HTRA1: variants seen among roughly 807,000 people sequenced by gnomAD.
HTRA1 encodes HtrA serine peptidase 1.
In HTRA1, 26 loss-of-function variants were observed where a neutral mutation model predicts 49.7. That is an observed-to-expected ratio of 0.52 (90% CI 0.38 to 0.73). The LOEUF is 0.73. HTRA1 is among the 30% of genes least tolerant of loss of function. The probability of loss-of-function intolerance (pLI) is 0.00; values close to 1 mark genes in which losing one functional copy is unlikely to be tolerated. For missense variants in HTRA1, 561 were observed against 667.2 expected, an observed-to-expected ratio of 0.84 and a Z score of 1.75; for synonymous variants, 291 against 286.9, an observed-to-expected ratio of 1.01 and a Z score of -0.14.
intron 1 of HTRA1, among the ~76,000 whole-genome samples, chr10:122,476,835 G>A (rs1459558475): frequency 1.3e-5 from 2 of 152,142 alleles, no homozygotes; most frequent in Non-Finnish European, 1.5e-5. Flanking sequence ...AGCTGTGAGT[G>A]GAACCAAGTG....
chr10:122,496,226 TTC>T (rs1316478976), intron 3 of HTRA1, among the ~76,000 whole-genome samples: 1,015 of 36,372 alleles, frequency 0.028, 306 homozygotes, highest in South Asian at 0.038. Context: ...AGATTGTGGG[TTC>T]TTTTTTTTTT....
chr10:122,470,591 T>C (rs2097485704), intron 1 of HTRA1, among the ~76,000 whole-genome samples: 1 of 151,454 alleles, frequency 6.6e-6, no homozygotes, highest in Admixed American at 6.6e-5. Flanking sequence ...TGAAGTCCAG[T>C]GATATAAGGA....
In HTRA1 at chr10:122,506,854, T is replaced by C. The variant is rs763868414; in HGVS notation, c.941T>C (p.Met314Thr). The C allele has an allele frequency of 5.6e-6, 9 of 1,613,644 alleles. No individual in the cohort carries two copies. Among genetic ancestry groups the C allele is most frequent in the African/African-American group, 4.0e-5 (3 of 74,898 alleles). ...GAGCTGGGGCTCCGCAACTCAGACA[T>C]GGACTACATCCAGACCGACGCCATC... ...GKELGLRNSD[M>T]DYIQTDAIIN... is the part of the protein sequence containing the mutation. Residue 314 changes from methionine (M) to threonine (T), a missense_variant, in exon 4 of 9, where the codon ATG becomes ACG. Transcript: ENST00000368984. This position sits in a 1 kb window ranked among gnomAD's most constrained non-coding sequence, Gnocchi z 5.2.
chr10:122,481,417 G>T (rs991730877), intron 1 of HTRA1, among the ~76,000 whole-genome samples: 1 of 152,178 alleles, frequency 6.6e-6, no homozygotes, highest in Non-Finnish European at 1.5e-5. Context: ...GCAAGAGACC[G>T]TGGCCCCAAC....
At chr10:122,507,321 A>T in intron 4 of HTRA1, 49 bp from the exon 5 acceptor site, 1 of 1,525,876 alleles carries the variant, frequency 6.6e-7, no homozygotes, top group African/African-American at 1.4e-5. Flanking sequence ...CATAGATTGA[A>T]CCATGTTATG....
chr10:122,482,047 C>A (rs1470951891), intron 1 of HTRA1, among the ~76,000 whole-genome samples: 1 of 151,898 alleles, frequency 6.6e-6, no homozygotes, highest in African/African-American at 2.4e-5. Flanking sequence ...TTTCATGGTC[C>A]CCAGTAAGGC....
At chr10:122,499,692 G>A (rs2097500144) in intron 3 of HTRA1, among the ~76,000 whole-genome samples, 1 of 152,234 alleles carries the variant, frequency 6.6e-6, no homozygotes, top group Non-Finnish European at 1.5e-5. Context: ...TTTTCCTTAG[G>A]AGACATGCAA....
chr10:122,513,664 A>C (rs1235799251), intron 8 of HTRA1, among the ~76,000 whole-genome samples: 2 of 148,502 alleles, frequency 1.3e-5, no homozygotes, highest in African/African-American at 4.9e-5. Flanking sequence ...GAGTGGGGAA[A>C]AAAGAACATT....
chr10:122,491,618 T>C (rs1363916079), intron 3 of HTRA1, among the ~76,000 whole-genome samples: 1 of 152,358 alleles, frequency 6.6e-6, no homozygotes, highest in Admixed American at 6.5e-5. Context: ...TTTTCCAATT[T>C]TGAGCCAAGG....
rs201461807 is a variant in HTRA1, at chr10:122,508,659, G to A, written c.1009G>A (p.Gly337Ser). ...CCGTGTCCTTCTTGCTTTTCAGGAC[G>A]GTGAAGTGATTGGAATTAACACTTT... ...NSGGPLVNLD[G>S]EVIGINTLKV... The change falls in exon 6 of 9, where the codon GGT (glycine) becomes AGT (serine). Residue 337 changes from glycine to serine, a missense_variant. Physicochemically the swap from Gly to Ser is moderately conservative, Grantham distance 56 (BLOSUM62 0). This residue lies in a region of HTRA1 where 271 missense variants were observed against 410.0 expected (regional missense o/e 0.66). Coordinates refer to ENST00000368984, the MANE Select transcript of HTRA1 (RefSeq NM_002775.5). 22 of 1,599,966 alleles carry A rather than the reference G, an allele frequency of 1.4e-5. No individual in the cohort carries two copies. Among genetic ancestry groups the A allele is most frequent in the Admixed American group, 6.7e-5 (4 of 60,004 alleles).
At chr10:122,510,008 C>A in intron 6 of HTRA1, 88 bp from the exon 7 acceptor site, 2 of 1,124,662 alleles carry the variant, frequency 1.8e-6, no homozygotes, top group Non-Finnish European at 2.7e-6. Flanking sequence ...CTTCCTGCAA[C>A]CTGGGGGATT....
At position 122,461,621 on chromosome 10, in the gene HTRA1, C is replaced by A; in HGVS notation, c.-32C>A. 1 of 1,263,608 alleles carries A rather than the reference C, an allele frequency of 7.9e-7. No individual in the cohort carries two copies. The highest frequency in any genetic ancestry group is 1.0e-6 in the Non-Finnish European group (1 of 975,674). The allele number at this position is 1,263,608 out of a possible 1,614,324, so 78.3% of individuals were successfully genotyped here. A position where few individuals can be genotyped will look rare whatever the true frequency, so the allele number is the denominator to read the frequency against. Reference sequence around the variant, plus strand: ...CGCCGCTCTCCGGCCCTCGCCCTGTCCGCCGCCACCGCCGCCGCCGCCAGA... The same window carrying A: ...CGCCGCTCTCCGGCCCTCGCCCTGTACGCCGCCACCGCCGCCGCCGCCAGA... On this transcript the variant is annotated 5_prime_UTR_variant, in exon 1 of 9. Coordinates refer to ENST00000368984, the MANE Select transcript of HTRA1 (RefSeq NM_002775.5).
intron 1 of HTRA1, among the ~76,000 whole-genome samples, chr10:122,482,126 C>A (rs1228433837): frequency 6.6e-6 from 1 of 152,064 alleles, no homozygotes; most frequent in Non-Finnish European, 1.5e-5. Flanking sequence ...ATTTGTGTCC[C>A]TATAACACAG....
intron 3 of HTRA1, among the ~76,000 whole-genome samples, chr10:122,492,226 G>A (rs371433853): frequency 3.3e-5 from 5 of 152,182 alleles, no homozygotes; most frequent in Non-Finnish European, 1.5e-5. Context: ...TGCCGCGTCC[G>A]TGGGCCCAGT....
intron 3 of HTRA1, among the ~76,000 whole-genome samples, chr10:122,497,137 C>A (rs79369894): frequency 6.6e-6 from 1 of 152,046 alleles, no homozygotes; most frequent in Admixed American, 6.6e-5. Flanking sequence ...AATAAACATG[C>A]GAATTAACAG....
intron 1 of HTRA1, among the ~76,000 whole-genome samples, chr10:122,468,402 GTCATCATCATCATCATCA>G (rs148200348): frequency 2.7e-5 from 4 of 148,546 alleles, no homozygotes; most frequent in East Asian, 2.0e-4. Context: ...TGTTGTCATT[GTCATCATCATCATCATCA>G]TCATCATCAT....
rs974938429 is a variant in HTRA1, at chr10:122,490,554, A to G, written c.777+928A>G. ...GTTTCCAGTTTCTTCACATCCTTATAATTTTCTAGACTTCAGATGGAGGGA... is the reference window on the plus strand; with the variant it reads ...GTTTCCAGTTTCTTCACATCCTTATGATTTTCTAGACTTCAGATGGAGGGA... On this transcript the variant is annotated intron_variant, in intron 3 of 8. Coordinates refer to ENST00000368984, the MANE Select transcript of HTRA1 (RefSeq NM_002775.5). This position sits in a 1 kb window ranked among gnomAD's most constrained non-coding sequence, Gnocchi z 4.2. Among the ~76,000 whole-genome samples, 12 of 152,044 alleles carry G rather than the reference A, an allele frequency of 7.9e-5. No individual in the cohort carries two copies. The highest frequency in any genetic ancestry group is 1.8e-4 in the Non-Finnish European group (12 of 68,012).
intron 1 of HTRA1, among the ~76,000 whole-genome samples, chr10:122,479,698 T>C (rs2097490153): frequency 6.6e-6 from 1 of 151,982 alleles, no homozygotes; most frequent in South Asian, 2.1e-4. Context: ...GGGAGAGGTC[T>C]GCAGGGTGGG....
In HTRA1 at chr10:122,464,298, A is replaced by G. The variant is rs1425964897; in HGVS notation, c.472+2174A>G. Among the ~76,000 whole-genome samples the G allele has an allele frequency of 6.6e-6, 1 of 152,106 alleles. No individual in the cohort carries two copies. The highest frequency in any genetic ancestry group is 1.5e-5 in the Non-Finnish European group (1 of 68,028). The stretch of plus-strand genomic sequence containing the variant: ...TGGAGTTGGCTGAGTCCCTGTGTGG[A>G]GGAAAACAGGTCCCCCATTGGCCAT... On this transcript the variant is annotated intron_variant, in intron 1 of 8. Coordinates refer to ENST00000368984, the MANE Select transcript of HTRA1 (RefSeq NM_002775.5). The surrounding 1 kb of genome is among the most constrained non-coding windows in gnomAD (Gnocchi z 4.8).
Sources: gnomAD v4.1 joint callset for allele counts (sites outside exome capture counted in the v4.1 genomes callset) on GRCh38, gnomAD v4.1.1 for gene constraint, gnomAD v4.1.1 regional missense constraint, Gnocchi (gnomAD v3.1) non-coding constraint, MANE v1.5 for transcripts, NCBI Gene and HGNC (gene_info 2026-07-23, HGNC 2026-07-21) for gene names.